The following HMGCLL1 variants were observed in gnomAD, a reference collection of about 807,000 sequenced individuals.
HMGCLL1 encodes the protein 3-hydroxy-3-methylglutaryl-CoA lyase like 1.
Under a neutral mutation model 39.1 loss-of-function variants are expected in HMGCLL1, and 36 were observed. That is an observed-to-expected ratio of 0.92 (90% CI 0.71 to 1.22). The LOEUF is 1.22. Among genes scored for constraint, HMGCLL1 ranks in the 50% most tolerant of loss-of-function variants. The pLI, the probability that HMGCLL1 is intolerant of heterozygous loss-of-function variation, is 0.00. For synonymous variants in HMGCLL1, 149 were observed against 144.0 expected, an observed-to-expected ratio of 1.03 and a Z score of -0.25; for missense variants, 451 against 416.5, an observed-to-expected ratio of 1.08 and a Z score of -0.72.
At chr6:55,575,712 A>AT in intron 1 of HMGCLL1, among the ~76,000 whole-genome samples, 1 of 152,240 alleles carries the variant, frequency 6.6e-6, no homozygotes, top group East Asian at 1.9e-4. Context: ...TCCAGAAACC[A>AT]TTTTTACCTC....
chr6:55,558,564 C>T (rs1009642236), intron 1 of HMGCLL1, among the ~76,000 whole-genome samples: 6 of 152,134 alleles, frequency 3.9e-5, no homozygotes, highest in Non-Finnish European at 2.9e-5. Flanking sequence ...TTCACCGTGA[C>T]AGAACAAGAT....
intron 7 of HMGCLL1, among the ~76,000 whole-genome samples, chr6:55,446,761 T>TA (rs945945174): frequency 1.3e-5 from 2 of 151,834 alleles, no homozygotes; most frequent in African/African-American, 4.8e-5. Context: ...ATAAAGGGAG[T>TA]AAAAAATCAT....
chr6:55,454,709 C>G (rs1438123041), intron 7 of HMGCLL1, among the ~76,000 whole-genome samples: 1 of 152,064 alleles, frequency 6.6e-6, no homozygotes, highest in Non-Finnish European at 1.5e-5. Flanking sequence ...AGGTAACTCC[C>G]CACTAATGCC....
intron 3 of HMGCLL1, among the ~76,000 whole-genome samples, chr6:55,537,718 A>G (rs1769112096): frequency 1.3e-5 from 2 of 152,186 alleles, no homozygotes; most frequent in African/African-American, 2.4e-5. Flanking sequence ...CAGAGAGGTT[A>G]AGTCACTTAC....
intron 1 of HMGCLL1, among the ~76,000 whole-genome samples, chr6:55,559,473 T>C (rs1770831066): frequency 6.6e-6 from 1 of 152,114 alleles, no homozygotes; most frequent in Non-Finnish European, 1.5e-5. Context: ...CAAAGTCATG[T>C]TACTTTCTGA....
At position 55,539,977 on chromosome 6, in the gene HMGCLL1, GAA is replaced by G. The variant is rs1267233353; in HGVS notation, c.297+1750_297+1751del. ...GGAAGGAAGGAAGGAAGGAAGGAAG[GAA>G]GGAAGGAAGGAAGGAAGGGAGGGAG... is the stretch of plus-strand genomic sequence containing the variant. On this transcript the variant is annotated intron_variant, in intron 3 of 8. Transcript: ENST00000274901. 7.4e-3 allele frequency among the ~76,000 whole-genome samples: 91 copies of G among 12,312 alleles called. 1 individual carries two copies. The highest frequency in any genetic ancestry group is 0.018 in the Non-Finnish European group (74 of 4,028). 8.1% of individuals were successfully genotyped at this position (12,312 alleles called of 152,430 possible). A position where few individuals can be genotyped will look rare whatever the true frequency, so the allele number is the denominator to read the frequency against.
intron 7 of HMGCLL1, among the ~76,000 whole-genome samples, chr6:55,483,988 A>G (rs1765875810): frequency 6.6e-6 from 1 of 152,194 alleles, no homozygotes. Context: ...TAGGTAATAA[A>G]TGGATAAAAA....
intron 1 of HMGCLL1, among the ~76,000 whole-genome samples, chr6:55,564,321 T>C (rs184938113): frequency 2.3e-4 from 35 of 152,282 alleles, no homozygotes; most frequent in Non-Finnish European, 2.8e-4. Flanking sequence ...TCAACTCATA[T>C]CTTAGTAACC....
chr6:55,600,330 G>A, the HMGCLL1 span, among the ~76,000 whole-genome samples: 159 of 152,196 alleles, frequency 1.0e-3, no homozygotes, highest in East Asian at 2.7e-3. Context: ...ATGTGGTAAA[G>A]AAAGAATTTT....
chr6:55,575,129 G>A (rs1771700051), intron 1 of HMGCLL1, among the ~76,000 whole-genome samples: 1 of 151,954 alleles, frequency 6.6e-6, no homozygotes, highest in Non-Finnish European at 1.5e-5. Context: ...TGCCAATTAA[G>A]CCAGCTTCAT....
chr6:55,466,508 C>A (rs1377461524), intron 7 of HMGCLL1, among the ~76,000 whole-genome samples: 1 of 152,112 alleles, frequency 6.6e-6, no homozygotes, highest in African/African-American at 2.4e-5. Flanking sequence ...CTCTGGAGGA[C>A]AGCTATGCAT....
rs181152546 is a variant in HMGCLL1, at chr6:55,515,160, G to T, written c.394-964C>A. On this transcript the variant is annotated intron_variant, in intron 4 of 8. Coordinates refer to ENST00000274901, the MANE Select transcript of HMGCLL1 (RefSeq NM_001042406.2). ...CCCAGCTACTTGGGAGGCTGAGGCA[G>T]GAGAATCGCTTGAACCTGGGAGGCG... is the stretch of plus-strand genomic sequence containing the variant. Among the ~76,000 whole-genome samples the T allele has an allele frequency of 4.0e-3, 609 of 151,920 alleles. 5 individuals carry two copies. Among genetic ancestry groups the T allele is most frequent in the African/African-American group, 0.014 (581 of 41,452 alleles).
intron 7 of HMGCLL1, among the ~76,000 whole-genome samples, chr6:55,474,003 C>T (rs1026678241): frequency 4.6e-5 from 7 of 151,372 alleles, no homozygotes; most frequent in African/African-American, 7.3e-5. Context: ...TCTATAGATA[C>T]GGTGTATTTT....
At chr6:55,606,912 GAA>G in the HMGCLL1 span, among the ~76,000 whole-genome samples, 1 of 152,022 alleles carries the variant, frequency 6.6e-6, no homozygotes. Context: ...GGGAGAGAGA[GAA>G]AGAGAGAGAG....
At chr6:55,534,505 C>A (rs914063559) in intron 3 of HMGCLL1, among the ~76,000 whole-genome samples, 1 of 152,156 alleles carries the variant, frequency 6.6e-6, no homozygotes, top group African/African-American at 2.4e-5. Context: ...AACTCTGAGC[C>A]ATTTATGTTA....
At chr6:55,650,106 T>TATATATACACACACATATAC in the HMGCLL1 span, among the ~76,000 whole-genome samples, 2 of 71,168 alleles carry the variant, frequency 2.8e-5, no homozygotes, top group African/African-American at 1.3e-4. Context: ...TATATATATA[T>TATATATACACACACATATAC]ATATATATAT....
chr6:55,512,016 G>T (rs937676346), intron 5 of HMGCLL1: 3 of 152,032 alleles, frequency 2.0e-5, no homozygotes, highest in Non-Finnish European at 2.9e-5. Context: ...TTAAGCCACA[G>T]CACGATTAGA....
At chr6:55,449,494 C>A (rs1763989810) in intron 7 of HMGCLL1, among the ~76,000 whole-genome samples, 1 of 152,172 alleles carries the variant, frequency 6.6e-6, no homozygotes, top group Non-Finnish European at 1.5e-5. Context: ...CAGTGAGAAA[C>A]AAACATCTAT....
chr6:55,505,171 T>A (rs2127430696), intron 5 of HMGCLL1, among the ~76,000 whole-genome samples: 1 of 151,748 alleles, frequency 6.6e-6, no homozygotes, highest in East Asian at 1.9e-4. Context: ...AATTAAATCA[T>A]GAAAAAGAAT....
Sources: gnomAD v4.1 joint callset for allele counts (sites outside exome capture counted in the v4.1 genomes callset) on GRCh38, gnomAD v4.1.1 for gene constraint, MANE v1.5 for transcripts, NCBI Gene and HGNC (gene_info 2026-07-23, HGNC 2026-07-21) for gene names.